Variants in BCL7C observed in about 807,000 individuals in gnomAD.
BCL7C encodes the protein B-cell CLL/lymphoma 7 protein family member C.
In BCL7C, 8 loss-of-function variants were observed where a neutral mutation model predicts 26.2. The observed-to-expected ratio is 0.30, with a 90% CI of 0.18 to 0.55. The LOEUF (loss-of-function observed/expected upper bound fraction) is 0.55, where lower values mean the gene tolerates loss of function less well. BCL7C is among the 20% of genes least tolerant of loss of function. BCL7C has a pLI of 0.93. For missense variants in BCL7C, 262 were observed against 298.5 expected (o/e 0.88, Z 0.90); for synonymous variants, 90 against 116.5 (o/e 0.77, Z 1.47).
intron 5 of BCL7C, among the ~76,000 whole-genome samples, chr16:30,845,149 T>A (rs1481952485): frequency 6.6e-6 from 1 of 152,118 alleles, no homozygotes; most frequent in Non-Finnish European, 1.5e-5. Context: ...ACTTGGATAG[T>A]TTTTGCACAC....
At chr16:30,858,140 T>C (rs1449095117) in intron 5 of BCL7C, among the ~76,000 whole-genome samples, 1 of 152,186 alleles carries the variant, frequency 6.6e-6, no homozygotes, top group Admixed American at 6.5e-5. Context: ...TAGTCTGCCA[T>C]TGCAGAGTAT....
rs2143153632 is a variant in BCL7C at position 30,889,103 on chromosome 16, A to G, written c.443-158T>C. The G allele has an allele frequency of 6.0e-6, 4 of 669,982 alleles. No homozygotes were observed. The South Asian group carries it at 7.2e-5, about 12-fold the overall frequency. 41.5% of individuals were successfully genotyped at this position (669,982 alleles called of 1,614,324 possible). ...GGAACCTGGCTGTGCCCCAGGAAGC[A>G]GAGGAGGGAACACTGATGTGGGAGC... is the stretch of plus-strand genomic sequence containing the variant. On this transcript the variant is annotated intron_variant, in intron 4 of 5. Coordinates refer to ENST00000215115, the MANE Select transcript of BCL7C (RefSeq NM_004765.4).
At chr16:30,842,680 T>G (rs2054609602) in intron 5 of BCL7C, among the ~76,000 whole-genome samples, 2 of 152,200 alleles carry the variant, frequency 1.3e-5, no homozygotes. Flanking sequence ...GCCATTCTCC[T>G]GCCTCAGCCT....
At chr16:30,848,401 G>A (rs2054648804) in intron 5 of BCL7C, among the ~76,000 whole-genome samples, 1 of 152,124 alleles carries the variant, frequency 6.6e-6, no homozygotes. Context: ...GGGATATGAA[G>A]GGACCCTGAC....
rs143495335 is a variant in BCL7C, at chr16:30,852,640, T to C, written c.529-17492A>G. On this transcript the variant is annotated intron_variant, in intron 5 of 5. Coordinates refer to the BCL7C transcript ENST00000380317. ...CTGAGTAGCTGGGATTACAGGCGCATGCCACCAGGCCTGGCTAATTTTTGT... is the reference window on the plus strand; with the variant it reads ...CTGAGTAGCTGGGATTACAGGCGCACGCCACCAGGCCTGGCTAATTTTTGT... Among the ~76,000 whole-genome samples, 588 of 151,784 alleles carry C rather than the reference T, an allele frequency of 3.9e-3. 10 individuals are homozygous for C. The highest frequency in any genetic ancestry group is 0.014 in the African/African-American group (563 of 41,346).
intron 5 of BCL7C, among the ~76,000 whole-genome samples, chr16:30,857,783 C>T (rs112924898): frequency 3.3e-3 from 499 of 152,002 alleles, no homozygotes; most frequent in African/African-American, 0.011. Flanking sequence ...CCAGCCTGGC[C>T]GACATGATGA....
intron 5 of BCL7C, among the ~76,000 whole-genome samples, chr16:30,837,711 T>G (rs192013183): frequency 1.6e-4 from 24 of 152,252 alleles, no homozygotes; most frequent in Admixed American, 1.5e-3. Context: ...GCATAGGACA[T>G]GATTCAAATG....
intron 5 of BCL7C, among the ~76,000 whole-genome samples, chr16:30,840,214 GTTTTTTTT>G (rs553947722): frequency 8.8e-6 from 1 of 113,100 alleles, no homozygotes; most frequent in Non-Finnish European, 1.8e-5. Context: ...ATTCCAAGTT[GTTTTTTTT>G]TTTTTTTTTT....
At chr16:30,853,017 C>T (rs1389643333) in intron 5 of BCL7C, among the ~76,000 whole-genome samples, 1 of 151,970 alleles carries the variant, frequency 6.6e-6, no homozygotes, top group African/African-American at 2.4e-5. Context: ...CTCACCGCAC[C>T]CTCCGCCTCC....
At chr16:30,864,171 T>C (rs1022873990) in intron 5 of BCL7C, among the ~76,000 whole-genome samples, 1 of 152,170 alleles carries the variant, frequency 6.6e-6, no homozygotes, top group Non-Finnish European at 1.5e-5. Flanking sequence ...CTGTATATTT[T>C]TAAATGAAGA....
chr16:30,879,689 C>CGAAAAAAAAAAAAAA (rs2055008131), intron 5 of BCL7C, among the ~76,000 whole-genome samples: 1 of 29,406 alleles, frequency 3.4e-5, no homozygotes, highest in African/African-American at 1.3e-4. Flanking sequence ...CCCTTCTCTA[C>CGAAAAAAAAAAAAAA]AAAAAAAAAA....
intron 5 of BCL7C, among the ~76,000 whole-genome samples, chr16:30,866,487 C>G (rs1460423304): frequency 1.3e-5 from 2 of 149,870 alleles, no homozygotes; most frequent in African/African-American, 2.5e-5. Flanking sequence ...TGAGGCATGA[C>G]AATCGCCTGA....
At chr16:30,891,289 C>T (rs1434369195) in intron 4 of BCL7C, among the ~76,000 whole-genome samples, 1 of 151,394 alleles carries the variant, frequency 6.6e-6, no homozygotes, top group Non-Finnish European at 1.5e-5. Context: ...ATGGCGAAAC[C>T]CCAACTCTAC....
intron 5 of BCL7C, among the ~76,000 whole-genome samples, chr16:30,865,979 T>C (rs2054823136): frequency 6.6e-6 from 1 of 151,172 alleles, no homozygotes; most frequent in South Asian, 2.1e-4. Flanking sequence ...AGGAGATCCA[T>C]CTGCCTCAGC....
chr16:30,888,617 G>A, intron 5 of BCL7C: 1 of 344,744 alleles, frequency 2.9e-6, no homozygotes. Context: ...TTACAGGCGT[G>A]AGCCACCACG....
At chr16:30,872,304 A>G (rs1029406091) in intron 5 of BCL7C, among the ~76,000 whole-genome samples, 6 of 152,186 alleles carry the variant, frequency 3.9e-5, no homozygotes, top group Admixed American at 3.9e-4. Context: ...TTCCAGAAAC[A>G]TGGGACCCTA....
At chr16:30,866,102 T>C (rs1006721919) in intron 5 of BCL7C, among the ~76,000 whole-genome samples, 1 of 151,956 alleles carries the variant, frequency 6.6e-6, no homozygotes, top group African/African-American at 2.4e-5. Flanking sequence ...ACTATCTCAG[T>C]AATAAAACTC....
At chr16:30,876,062 C>G (rs1042071251) in intron 5 of BCL7C, 2 of 152,378 alleles carry the variant, frequency 1.3e-5, no homozygotes, top group Non-Finnish European at 2.9e-5. Context: ...AAAGGAGGGC[C>G]GGGCAAGAAC....
chr16:30,860,711 C>T (rs1380714401), intron 5 of BCL7C, among the ~76,000 whole-genome samples: 1 of 151,970 alleles, frequency 6.6e-6, no homozygotes, highest in Non-Finnish European at 1.5e-5. Context: ...CACATCAGTC[C>T]CTCCCTAGTC....
Sources: gnomAD v4.1 joint callset for allele counts (sites outside exome capture counted in the v4.1 genomes callset) on GRCh38, gnomAD v4.1.1 for gene constraint, MANE v1.5 for transcripts, NCBI Gene and HGNC (gene_info 2026-07-23, HGNC 2026-07-21) for gene names.